The following EDARADD variants were observed in gnomAD, a reference collection of about 807,000 sequenced individuals.
EDARADD encodes ectodysplasin-A receptor-associated adapter protein.
A neutral mutation model predicts 25.6 loss-of-function variants in EDARADD; 20 were observed. That is an observed-to-expected ratio of 0.78 (90% CI 0.55 to 1.14). The LOEUF is 1.14. Ranked by LOEUF, EDARADD falls within the 50% of genes most tolerant of loss-of-function variation. The pLI is 0.00. For synonymous variants in EDARADD, 86 were observed against 94.4 expected, an observed-to-expected ratio of 0.91 and a Z score of 0.52; for missense variants, 225 against 270.1, an observed-to-expected ratio of 0.83 and a Z score of 1.17.
At chr1:236,435,909 C>T (rs1257102591) in intron 4 of EDARADD, among the ~76,000 whole-genome samples, 1 of 152,118 alleles carries the variant, frequency 6.6e-6, no homozygotes, top group African/African-American at 2.4e-5. Flanking sequence ...AGATTTTCCT[C>T]AAGGAATCTG....
chr1:236,476,922 G>T (rs1203494755), intron 5 of EDARADD, among the ~76,000 whole-genome samples: 1 of 151,262 alleles, frequency 6.6e-6, no homozygotes, highest in Admixed American at 6.6e-5. Context: ...AGCCCATGAA[G>T]TGGAGGCTGC....
At position 236,398,255 on chromosome 1, in the gene EDARADD, A is replaced by C. The variant is rs191601658; in HGVS notation, c.61+3750A>C. Among the ~76,000 whole-genome samples the C allele has an allele frequency of 3.6e-3, 553 of 152,042 alleles. 6 individuals carry two copies. The highest frequency in any genetic ancestry group is 0.013 in the African/African-American group (520 of 41,456). Reference sequence around the variant, plus strand: ...TTCTCCTGTCTCAGCCTCCCAAGTAACTGGTATTACAGGTGCACACTACCA... The same window carrying C: ...TTCTCCTGTCTCAGCCTCCCAAGTACCTGGTATTACAGGTGCACACTACCA... On this transcript the variant is annotated intron_variant, in intron 1 of 5. Transcript: ENST00000334232. This position sits in a 1 kb window ranked among gnomAD's most constrained non-coding sequence, Gnocchi z 4.1.
At position 236,483,051 on chromosome 1, in the gene EDARADD, C is replaced by A; in HGVS notation, c.*402C>A. On this transcript the variant is annotated 3_prime_UTR_variant, in exon 6 of 6. Coordinates refer to ENST00000334232, the MANE Select transcript of EDARADD (RefSeq NM_145861.4). ...CATTATATGTAACATCTCTCCTGAT[C>A]AGTGCCATTCCCACGGTTTCAAAGA... 1 of 707,962 alleles carries A rather than the reference C, an allele frequency of 1.4e-6. No homozygotes were observed. Among genetic ancestry groups the A allele is most frequent in the Non-Finnish European group, 2.4e-6 (1 of 413,642 alleles). 43.9% of individuals were successfully genotyped at this position (707,962 alleles called of 1,614,324 possible). A position where few individuals can be genotyped will look rare whatever the true frequency, so the allele number is the denominator to read the frequency against.
chr1:236,481,778 C>CAAAA (rs36104533), intron 5 of EDARADD, among the ~76,000 whole-genome samples: 18 of 93,298 alleles, frequency 1.9e-4, no homozygotes, highest in African/African-American at 7.7e-4. Context: ...CACCCTGTAT[C>CAAAA]AAAAAAAAAA....
intron 4 of EDARADD, among the ~76,000 whole-genome samples, chr1:236,467,315 G>T (rs1659224707): frequency 6.6e-6 from 1 of 151,794 alleles, no homozygotes; most frequent in Non-Finnish European, 1.5e-5. Flanking sequence ...GGGGTGGGGG[G>T]TGACATTAGC....
rs1558112402 is a variant in EDARADD at position 236,405,773 on chromosome 1, CTTTCTTTCTTTCTTTCTTTTCT to C, written c.62-3439_62-3418del. ...TCTTTCTTTCTTTCTTTCTTTCTTT[CTTTCTTTCTTTCTTTCTTTTCT>C]TTTTCTTTCTTTCTTTCCTTCCTTC... On this transcript the variant is annotated intron_variant, in intron 1 of 5. Coordinates refer to ENST00000334232, the MANE Select transcript of EDARADD (RefSeq NM_145861.4). Among the ~76,000 whole-genome samples, 144 of 66,012 alleles carry C rather than the reference CTTTCTTTCTTTCTTTCTTTTCT, an allele frequency of 2.2e-3. 1 individual carries two copies. The highest frequency in any genetic ancestry group is 3.8e-3 in the Admixed American group (22 of 5,740). 43.3% of individuals were successfully genotyped at this position (66,012 alleles called of 152,430 possible). A position where few individuals can be genotyped will look rare whatever the true frequency, so the allele number is the denominator to read the frequency against.
chr1:236,398,362 G>T lies in EDARADD; in HGVS notation c.61+3857G>T, dbSNP rs1198478725. Among the ~76,000 whole-genome samples the T allele has an allele frequency of 1.3e-5, 2 of 152,164 alleles. No individual in the cohort carries two copies. The highest frequency in any genetic ancestry group is 4.8e-5 in the African/African-American group (2 of 41,438). On this transcript the variant is annotated intron_variant, in intron 1 of 5. Transcript: ENST00000334232. This position sits in a 1 kb window ranked among gnomAD's most constrained non-coding sequence, Gnocchi z 4.1. ...TCCACCCACCTCGGCCTCCCAGAGT[G>T]CTGGGATTACTGGTGTGAACCACTG...
At position 236,449,584 on chromosome 1, in the gene EDARADD, TA is replaced by T. The variant is rs1156486822; in HGVS notation, c.220-18646del. ...TCCACTGTCATGAATCATTTTGCTT[TA>T]TTATTCGTTCTGGCTATATCGGTTA... is the stretch of plus-strand genomic sequence containing the variant. On this transcript the variant is annotated intron_variant, in intron 4 of 5. Coordinates refer to ENST00000334232, the MANE Select transcript of EDARADD (RefSeq NM_145861.4). Among the ~76,000 whole-genome samples the T allele has an allele frequency of 2.6e-5, 4 of 152,366 alleles. No homozygotes were observed. The South Asian group carries it at 8.3e-4, about 32-fold the overall frequency.
At chr1:236,432,812 G>A (rs1277577964) in intron 4 of EDARADD, among the ~76,000 whole-genome samples, 1 of 152,078 alleles carries the variant, frequency 6.6e-6, no homozygotes, top group Non-Finnish European at 1.5e-5. Flanking sequence ...TTGAACTCAG[G>A]AGAGGAAGGT....
At chr1:236,469,029 T>C (rs1331368881) in intron 5 of EDARADD, among the ~76,000 whole-genome samples, 1 of 152,336 alleles carries the variant, frequency 6.6e-6, no homozygotes. Flanking sequence ...TTAGTCCCTC[T>C]CCTTTTCTGC....
Position 236,361,635 on chromosome 1 carries a change from T to TTATATATATATA in EDARADD, c.-6+10800_-6+10811dup, listed in dbSNP as rs146661697. ...GTGAGCCACCACGCACAGCCAAATT[T>TTATATATATATA]TATATATATATATATTCCTTCATAC... On this transcript the variant is annotated intron_variant, in intron 3 of 7. Coordinates refer to the EDARADD transcript ENST00000439430. 2.0e-3 allele frequency among the ~76,000 whole-genome samples: 266 copies of TTATATATATATA among 134,136 alleles called. 7 individuals are homozygous for TTATATATATATA. The highest frequency in any genetic ancestry group is 5.8e-3 in the African/African-American group (189 of 32,576). The allele number at this position is 134,136 out of a possible 152,430, so 88.0% of individuals were successfully genotyped here.
chr1:236,429,219 A>T (rs1306188168), intron 4 of EDARADD, among the ~76,000 whole-genome samples: 8 of 122,176 alleles, frequency 6.5e-5, no homozygotes, highest in East Asian at 2.3e-4. Flanking sequence ...AGAGGGAGAG[A>T]TTTTTTTTTT....
Position 236,427,417 on chromosome 1 carries a change from G to A in EDARADD, c.186G>A (p.Leu62=). ...PKAEECDTIT[L]NCPRNSDMKN... ...CTGAAGAATGTGATACAATTACTTT[G>A]AACTGCCCACGAAATTCAGATATGA... Residue 62 remains leucine, a synonymous_variant, in exon 4 of 6, where the codon TTG becomes TTA. Transcript: ENST00000334232. 2.5e-6 allele frequency: 4 copies of A among 1,603,828 alleles called. No individual in the cohort carries two copies. Among genetic ancestry groups the A allele is most frequent in the Non-Finnish European group, 3.4e-6 (4 of 1,175,356 alleles).
intron 1 of EDARADD, among the ~76,000 whole-genome samples, chr1:236,405,825 C>T (rs555731532): frequency 2.6e-3 from 68 of 26,194 alleles, no homozygotes; most frequent in South Asian, 6.5e-3. Context: ...TCCTTCCTTT[C>T]CTTCCTTCCT....
intron 5 of EDARADD, among the ~76,000 whole-genome samples, chr1:236,477,367 T>A (rs1659538315): frequency 6.6e-6 from 1 of 151,958 alleles, no homozygotes; most frequent in Non-Finnish European, 1.5e-5. Context: ...TACAAAAAAT[T>A]ACCTGGGCGT....
chr1:236,389,190 C>G (rs1186084630), intron 3 of EDARADD, among the ~76,000 whole-genome samples: 1 of 152,248 alleles, frequency 6.6e-6, no homozygotes, highest in East Asian at 1.9e-4. Flanking sequence ...ATCAAGGCAC[C>G]AGGAACACCT....
At chr1:236,439,593 T>C (rs1224487063) in intron 4 of EDARADD, among the ~76,000 whole-genome samples, 1 of 152,258 alleles carries the variant, frequency 6.6e-6, no homozygotes, top group Non-Finnish European at 1.5e-5. Context: ...TGTATTTCTT[T>C]GATGATATAC....
intron 4 of EDARADD, among the ~76,000 whole-genome samples, chr1:236,429,046 G>A (rs1324574617): frequency 1.3e-5 from 2 of 152,108 alleles, no homozygotes; most frequent in Admixed American, 6.6e-5. Context: ...TGAGGCAGGA[G>A]AATCAGGCAG....
chr1:236,417,033 G>A (rs1029473963), intron 3 of EDARADD, among the ~76,000 whole-genome samples: 1 of 152,140 alleles, frequency 6.6e-6, no homozygotes, highest in Non-Finnish European at 1.5e-5. Context: ...AGGATCACCT[G>A]AGCCTGGGAG....
Sources: allele counts gnomAD v4.1 joint callset (sites outside exome capture counted in the v4.1 genomes callset), GRCh38; gene constraint gnomAD v4.1.1; non-coding constraint Gnocchi (gnomAD v3.1); transcripts MANE v1.5; gene names NCBI Gene and HGNC (gene_info 2026-07-23, HGNC 2026-07-21).